RFC3: variants seen among roughly 807,000 people sequenced by gnomAD.
The protein encoded by RFC3 is replication factor C subunit 3, also known as A1 38 kDa subunit.
RFC3 carries 41 observed loss-of-function variants against 45.1 expected under a neutral mutation model. That is an observed-to-expected ratio of 0.91 (90% CI 0.71 to 1.18). The LOEUF (loss-of-function observed/expected upper bound fraction) is 1.18. RFC3 is among the 50% of genes most tolerant of loss of function. The probability of loss-of-function intolerance (pLI) is 0.00; values close to 1 mark genes in which losing one functional copy is unlikely to be tolerated. For missense variants in RFC3, 423 were observed against 428.1 expected (o/e 0.99, Z 0.10); for synonymous variants, 149 against 144.0 (o/e 1.03, Z -0.25).
At chr13:33,823,831 A>G in intron 2 of RFC3, 86 bp from the exon 3 acceptor site, 1 of 664,866 alleles carries the variant, frequency 1.5e-6, no homozygotes, top group Non-Finnish European at 2.5e-6. Flanking sequence ...TACTTTGTGT[A>G]ATAAAAGGAA....
intron 8 of RFC3, among the ~76,000 whole-genome samples, chr13:33,862,992 C>T (rs952959529): frequency 6.6e-6 from 1 of 152,186 alleles, no homozygotes; most frequent in Non-Finnish European, 1.5e-5. Context: ...ACATGCATTT[C>T]TAAGAAAAGT....
downstream of RFC3, among the ~76,000 whole-genome samples, chr13:33,967,284 C>T (rs926361077): frequency 6.6e-6 from 1 of 152,106 alleles, no homozygotes; most frequent in Non-Finnish European, 1.5e-5. Flanking sequence ...TTTTCTAATA[C>T]CCAGTTAGTA....
At chr13:33,916,937 T>A (rs190271469) in intron 8 of RFC3, among the ~76,000 whole-genome samples, 139 of 152,296 alleles carry the variant, frequency 9.1e-4, no homozygotes, top group African/African-American at 3.0e-3. Context: ...ACCCAACATA[T>A]GTCAGAGTTG....
intron 8 of RFC3, among the ~76,000 whole-genome samples, chr13:33,943,935 C>T (rs962057572): frequency 3.9e-5 from 6 of 152,138 alleles, no homozygotes; most frequent in Admixed American, 2.6e-4. Flanking sequence ...GAGTCATTGG[C>T]TGTCAATTTA....
chr13:33,825,724 C>T, intron 3 of RFC3, 65 bp from the exon 4 acceptor site: 1 of 848,832 alleles, frequency 1.2e-6, no homozygotes, highest in Non-Finnish European at 1.7e-6. Context: ...TTAAGAACTT[C>T]ACCATTTTTC....
Position 33,822,447 on chromosome 13 carries a change from G to A in RFC3, c.225+1178G>A, listed in dbSNP as rs1016930062. Among the ~76,000 whole-genome samples, 3 of 152,270 alleles carry A rather than the reference G, an allele frequency of 2.0e-5. No individual in the cohort carries two copies. In the East Asian group the frequency reaches 5.8e-4, roughly 29 times the overall value. On this transcript the variant is annotated intron_variant, in intron 2 of 8. Coordinates refer to ENST00000380071, the MANE Select transcript of RFC3 (RefSeq NM_002915.4). ...CGGTACATTTCTGAGACTAGCTAAA[G>A]TAATTATGAAAAAAGATTAGTGAAG...
chr13:33,915,740 A>T (rs2082728853), intron 8 of RFC3, among the ~76,000 whole-genome samples: 1 of 152,064 alleles, frequency 6.6e-6, no homozygotes, highest in Non-Finnish European at 1.5e-5. Flanking sequence ...ACAATGACTA[A>T]AATTATTCGT....
At position 33,825,896 on chromosome 13, in the gene RFC3, CA is replaced by C; in HGVS notation, c.391+14del. On this transcript the variant is annotated intron_variant, in intron 4 of 8. Transcript: ENST00000380071. ...CAAAGGGATTTTAAAGGTAGGTGAT[CA>C]AAAGACTTCTTTTTATGAAGCTGCC... is the stretch of plus-strand genomic sequence containing the variant. 1 of 1,548,220 alleles carries C rather than the reference CA, an allele frequency of 6.5e-7. No individual in the cohort carries two copies. Among genetic ancestry groups the C allele is most frequent in the Non-Finnish European group, 8.9e-7 (1 of 1,129,184 alleles).
At chr13:33,897,372 A>T (rs1168969947) in intron 8 of RFC3, among the ~76,000 whole-genome samples, 1 of 151,954 alleles carries the variant, frequency 6.6e-6, no homozygotes, top group African/African-American at 2.4e-5. Flanking sequence ...CATATATGAA[A>T]TTTTTTTGAT....
intron 8 of RFC3, among the ~76,000 whole-genome samples, chr13:33,892,878 A>G (rs571828424): frequency 3.3e-5 from 5 of 152,174 alleles, no homozygotes; most frequent in Non-Finnish European, 7.3e-5. Flanking sequence ...TATATTGGTA[A>G]TGCCCCTTCT....
At chr13:33,954,894 A>G (rs1280706782) in intron 8 of RFC3, among the ~76,000 whole-genome samples, 2 of 152,220 alleles carry the variant, frequency 1.3e-5, no homozygotes, top group African/African-American at 2.4e-5. Context: ...TTCAGTCCAC[A>G]GCAAAGCCCA....
At chr13:33,958,471 T>G (rs1251744886) in intron 8 of RFC3, among the ~76,000 whole-genome samples, 1 of 152,220 alleles carries the variant, frequency 6.6e-6, no homozygotes, top group Non-Finnish European at 1.5e-5. Flanking sequence ...GTTTCAGTAT[T>G]TTCACAACTG....
the RFC3 span, among the ~76,000 whole-genome samples, chr13:33,976,275 T>C: frequency 6.6e-6 from 1 of 152,108 alleles, no homozygotes; most frequent in African/African-American, 2.4e-5. Flanking sequence ...CTGTAACTTG[T>C]AGCAACATAA....
chr13:33,917,404 C>G (rs1031649560), intron 8 of RFC3, among the ~76,000 whole-genome samples: 2 of 152,160 alleles, frequency 1.3e-5, no homozygotes, highest in African/African-American at 2.4e-5. Context: ...TCAGCAGCAT[C>G]CTTTTAATAT....
chr13:33,852,579 AAAT>A (rs1027506628), intron 8 of RFC3, among the ~76,000 whole-genome samples: 5 of 152,132 alleles, frequency 3.3e-5, no homozygotes, highest in African/African-American at 4.8e-5. Context: ...GAACATTGAG[AAAT>A]AATAATAAAA....
At chr13:33,961,732 A>G (rs1458305624) in intron 8 of RFC3, among the ~76,000 whole-genome samples, 1 of 152,234 alleles carries the variant, frequency 6.6e-6, no homozygotes, top group African/African-American at 2.4e-5. Context: ...AGGAACACTC[A>G]AGACAGCACA....
chr13:33,884,633 G>A (rs1010882480), intron 8 of RFC3, among the ~76,000 whole-genome samples: 3 of 152,104 alleles, frequency 2.0e-5, no homozygotes, highest in South Asian at 2.1e-4. Flanking sequence ...TCCAGAGCCC[G>A]CTCACCATGG....
At chr13:33,909,799 A>G (rs918286125) in intron 8 of RFC3, among the ~76,000 whole-genome samples, 1 of 152,054 alleles carries the variant, frequency 6.6e-6, no homozygotes, top group African/African-American at 2.4e-5. Context: ...CCTTTGGGTG[A>G]CACTTGACAT....
chr13:33,951,237 T>A (rs2082989059), intron 8 of RFC3, among the ~76,000 whole-genome samples: 1 of 150,214 alleles, frequency 6.7e-6, no homozygotes, highest in African/African-American at 2.4e-5. Context: ...AAGTACATTT[T>A]TTTTTTTTTT....
Sources: gnomAD v4.1 joint callset for allele counts (sites outside exome capture counted in the v4.1 genomes callset) on GRCh38, gnomAD v4.1.1 for gene constraint, MANE v1.5 for transcripts, NCBI Gene and HGNC (gene_info 2026-07-23, HGNC 2026-07-21) for gene names.